NEBL: variants seen among roughly 807,000 people sequenced by gnomAD.
NEBL encodes nebulette.
NEBL carries 122 observed loss-of-function variants against 140.2 expected under a neutral mutation model. The ratio of observed to expected loss-of-function variants is 0.87; its 90% CI spans 0.75 to 1.01. The LOEUF is 1.01. NEBL is among the 50% of genes least tolerant of loss of function. The pLI, the probability that NEBL is intolerant of heterozygous loss-of-function variation, is 0.00. For synonymous variants in NEBL, 436 were observed against 398.9 expected (o/e 1.09, Z -1.11); for missense variants, 1,365 against 1,231.3 (o/e 1.11, Z -1.62).
At chr10:21,010,048 T>C (rs532704832) in intron 3 of NEBL, among the ~76,000 whole-genome samples, 6 of 152,278 alleles carry the variant, frequency 3.9e-5, no homozygotes, top group Non-Finnish European at 5.9e-5. Context: ...CAGTAGTGTC[T>C]AAGTAGTGTC....
In NEBL at chr10:21,001,677, T is replaced by C. The variant is rs552733477; in HGVS notation, c.249+18440A>G. On this transcript the variant is annotated intron_variant, in intron 3 of 6. Transcript: ENST00000417816. ...CCCATTTATGCCTAGTGTTCCATCA[T>C]TGGAACTCTAAGCATGTGGGAGTTA... 9.2e-5 allele frequency among the ~76,000 whole-genome samples: 14 copies of C among 152,152 alleles called. No individual in the cohort carries two copies. In the East Asian group the frequency reaches 9.7e-4, roughly 11 times the overall value.
chr10:21,035,567 A>C (rs1564488220), intron 2 of NEBL, among the ~76,000 whole-genome samples: 1 of 152,140 alleles, frequency 6.6e-6, no homozygotes, highest in Non-Finnish European at 1.5e-5. Context: ...AATTAAACTA[A>C]AACTCAATAG....
intron 5 of NEBL, among the ~76,000 whole-genome samples, chr10:20,878,391 T>G (rs1845705484): frequency 6.6e-6 from 1 of 152,236 alleles, no homozygotes; most frequent in South Asian, 2.1e-4. Flanking sequence ...AAGTCATTTA[T>G]AGCCATAGTG....
At chr10:21,166,238 AAAAAAAAGAAAAGAAAAAAAAAT>A (rs1241251599) in intron 2 of NEBL, among the ~76,000 whole-genome samples, 3 of 121,920 alleles carry the variant, frequency 2.5e-5, no homozygotes, top group African/African-American at 8.3e-5. Context: ...AAAAAAAAAA[AAAAAAAAGAAAAGAAAAAAAAAT>A]TTTCTACATC....
At chr10:21,213,300 T>G (rs1224249454) in intron 3 of NEBL, among the ~76,000 whole-genome samples, 1 of 152,150 alleles carries the variant, frequency 6.6e-6, no homozygotes, top group Non-Finnish European at 1.5e-5. Flanking sequence ...CTTTAAAAAA[T>G]CAGAATGTAG....
intron 12 of NEBL, 127 bp from the exon 13 acceptor site, chr10:20,840,976 T>A: frequency 1.5e-6 from 1 of 667,324 alleles, no homozygotes; most frequent in Non-Finnish European, 2.7e-6. Flanking sequence ...ATCACACAGC[T>A]AAGTATTCAT....
intron 4 of NEBL, among the ~76,000 whole-genome samples, chr10:20,955,135 G>A (rs891359681): frequency 6.6e-6 from 1 of 152,162 alleles, no homozygotes; most frequent in African/African-American, 2.4e-5. Flanking sequence ...GGGGTAGGGA[G>A]GGCCCTAAAT....
rs1181373786 is a variant in NEBL at position 20,782,908 on chromosome 10, CAA to C, written c.*2837_*2838del. 1.3e-5 allele frequency: 2 copies of C among 152,596 alleles called. No homozygotes were observed. Among genetic ancestry groups the C allele is most frequent in the African/African-American group, 2.4e-5 (1 of 41,420 alleles). 9.5% of individuals were successfully genotyped at this position (152,596 alleles called of 1,614,324 possible). A position where few individuals can be genotyped will look rare whatever the true frequency, so the allele number is the denominator to read the frequency against. Reference sequence around the variant, plus strand: ...ATATATTCTGTTGCTATACTTTGCTCAAGAGAGAGAGGATCCCTATACAGCTT... The same window carrying C: ...ATATATTCTGTTGCTATACTTTGCTCGAGAGAGAGGATCCCTATACAGCTT... On this transcript the variant is annotated 3_prime_UTR_variant, in exon 28 of 28. Coordinates refer to ENST00000377122, the MANE Select transcript of NEBL (RefSeq NM_006393.3).
chr10:21,152,266 C>G (rs550944705), intron 2 of NEBL, among the ~76,000 whole-genome samples: 1 of 152,122 alleles, frequency 6.6e-6, no homozygotes, highest in Non-Finnish European at 1.5e-5. Flanking sequence ...TGATCATCAA[C>G]GAATCTCATA....
At chr10:21,042,860 G>C (rs1269357660) in intron 2 of NEBL, among the ~76,000 whole-genome samples, 1 of 152,220 alleles carries the variant, frequency 6.6e-6, no homozygotes, top group Non-Finnish European at 1.5e-5. Flanking sequence ...GGCTTTCACA[G>C]AGAGCCTTTG....
chr10:21,003,845 A>G (rs892154148), intron 3 of NEBL, among the ~76,000 whole-genome samples: 1 of 152,246 alleles, frequency 6.6e-6, no homozygotes, highest in Non-Finnish European at 1.5e-5. Flanking sequence ...CTCAAAACGT[A>G]TCTAAATTTC....
At chr10:21,026,994 A>G (rs1006562578) in intron 2 of NEBL, among the ~76,000 whole-genome samples, 1 of 152,216 alleles carries the variant, frequency 6.6e-6, no homozygotes, top group African/African-American at 2.4e-5. Context: ...AGTGTTTGAC[A>G]TAGGTTGTCA....
At chr10:20,808,086 T>G (rs1564341571) in intron 26 of NEBL, among the ~76,000 whole-genome samples, 1 of 152,026 alleles carries the variant, frequency 6.6e-6, no homozygotes, top group Non-Finnish European at 1.5e-5. Context: ...AATATACACA[T>G]TCATTATAAC....
At chr10:20,868,393 G>A (rs1036064348) in intron 7 of NEBL, 4 of 413,078 alleles carry the variant, frequency 9.7e-6, no homozygotes, top group Admixed American at 3.8e-5. Flanking sequence ...TGGAAATCCA[G>A]GGAAATGTGA....
intron 25 of NEBL, among the ~76,000 whole-genome samples, chr10:20,809,084 CT>C (rs1481117134): frequency 8.5e-5 from 13 of 152,082 alleles, no homozygotes; most frequent in Non-Finnish European, 1.9e-4. Context: ...TATAAAAGTA[CT>C]AGAATTCCTG....
chr10:21,202,110 T>G (rs1451393285), intron 3 of NEBL, among the ~76,000 whole-genome samples: 1 of 152,138 alleles, frequency 6.6e-6, no homozygotes, highest in Non-Finnish European at 1.5e-5. Context: ...AAAGAAAATC[T>G]ATGCAGGTCA....
chr10:20,786,928 C>G (rs925203383), intron 27 of NEBL, among the ~76,000 whole-genome samples: 23 of 152,114 alleles, frequency 1.5e-4, no homozygotes, highest in Non-Finnish European at 3.2e-4. Flanking sequence ...TCGGCTAGTA[C>G]CAATCATGAA....
chr10:20,869,743 G>GAT lies in NEBL; in HGVS notation c.578_579insAT (p.Ser193ArgfsTer12). ...AAGGTTTAGAAAGAGAAGTTACATT[G>GAT]CTTATGATCTTAGAGATCTGGGTTG... On this transcript the variant is annotated frameshift_variant, in exon 6 of 28. Coordinates refer to ENST00000377122, the MANE Select transcript of NEBL (RefSeq NM_006393.3). LOFTEE classifies it high-confidence loss of function. The GAT allele has an allele frequency of 6.2e-7, 1 of 1,601,132 alleles. No homozygotes were observed. The highest frequency in any genetic ancestry group is 8.6e-7 in the Non-Finnish European group (1 of 1,168,342).
At chr10:21,056,753 A>G (rs1366542422) in intron 2 of NEBL, among the ~76,000 whole-genome samples, 1 of 152,238 alleles carries the variant, frequency 6.6e-6, no homozygotes, top group Non-Finnish European at 1.5e-5. Context: ...AAAGCAAAAT[A>G]CTGCGAGAAA....
Sources: gnomAD v4.1 joint callset for allele counts (sites outside exome capture counted in the v4.1 genomes callset) on GRCh38, gnomAD v4.1.1 for gene constraint, MANE v1.5 for transcripts, NCBI Gene and HGNC (gene_info 2026-07-23, HGNC 2026-07-21) for gene names.